CROCC: variants seen among roughly 807,000 people sequenced by gnomAD.
CROCC encodes rootletin.
In CROCC, 180 loss-of-function variants were observed where a neutral mutation model predicts 245.2. That is an observed-to-expected ratio of 0.73 (90% CI 0.65 to 0.83). The LOEUF is 0.83. CROCC is among the 40% of genes least tolerant of loss of function. The probability of loss-of-function intolerance (pLI) is 0.00; values close to 1 mark genes in which losing one functional copy is unlikely to be tolerated. For synonymous variants in CROCC, 1,205 were observed against 1,241.6 expected, an observed-to-expected ratio of 0.97 and a Z score of 0.62; for missense variants, 2,688 against 2,779.4, an observed-to-expected ratio of 0.97 and a Z score of 0.74.
chr1:16,928,433 T>C (rs2075585174), intron 3 of CROCC, among the ~76,000 whole-genome samples: 1 of 152,062 alleles, frequency 6.6e-6, no homozygotes, highest in Non-Finnish European at 1.5e-5. Flanking sequence ...GGATGGAAGC[T>C]TCCTGGGGGT....
intron 15 of CROCC, among the ~76,000 whole-genome samples, chr1:16,945,960 G>A (rs1295911562): frequency 3.3e-5 from 5 of 152,290 alleles, no homozygotes; most frequent in African/African-American, 9.6e-5. Flanking sequence ...TGCGCTGTCC[G>A]CTGCAGCCTG....
At chr1:16,932,539 G>A (rs2075700657) in intron 8 of CROCC, among the ~76,000 whole-genome samples, 1 of 152,270 alleles carries the variant, frequency 6.6e-6, no homozygotes, top group Non-Finnish European at 1.5e-5. Flanking sequence ...GATGGGAGGG[G>A]TGGGGAGGTC....
At chr1:16,964,656 T>G (rs1187330395) in intron 27 of CROCC, among the ~76,000 whole-genome samples, 1 of 152,102 alleles carries the variant, frequency 6.6e-6, no homozygotes, top group Non-Finnish European at 1.5e-5. Flanking sequence ...GTGCTGGGAT[T>G]ACAGGTGTGA....
Position 16,960,939 on chromosome 1 carries a change from T to A in CROCC, c.4214T>A (p.Leu1405Gln). The A allele has an allele frequency of 1.4e-6, 2 of 1,439,886 alleles. No homozygotes were observed. The highest frequency in any genetic ancestry group is 1.8e-6 in the Non-Finnish European group (2 of 1,105,046). The allele number at this position is 1,439,886 out of a possible 1,614,324, so 89.2% of individuals were successfully genotyped here. ...GAGGCTGCAGAGCTGGGCCTGCGGC[T>A]GAGCGCAGCCGAGGGCCGGGCACAA... ...RAEAAELGLR[L>Q]SAAEGRAQGL... Residue 1405 changes from leucine to glutamine, a missense_variant, in exon 27 of 37, where the codon CTG becomes CAG. By Grantham distance (113) the Leu-to-Gln change is moderately radical. Transcript: ENST00000375541.
upstream of CROCC, among the ~76,000 whole-genome samples, chr1:16,921,588 A>G (rs1256524299): frequency 2.0e-5 from 3 of 152,284 alleles, no homozygotes; most frequent in Non-Finnish European, 4.4e-5. Context: ...ACAAATACTT[A>G]GGACTCTGGC....
At chr1:16,952,984 A>G (rs2100494971) in intron 20 of CROCC, 1 of 313,604 alleles carries the variant, frequency 3.2e-6, no homozygotes, top group East Asian at 6.2e-5. Context: ...TCCCCTCTGC[A>G]CCCTGCATCC....
intron 8 of CROCC, among the ~76,000 whole-genome samples, chr1:16,932,120 A>G (rs1317484769): frequency 6.6e-6 from 1 of 152,198 alleles, no homozygotes; most frequent in African/African-American, 2.4e-5. Context: ...CAAGGACCTC[A>G]CAGCCTCTTG....
rs1282749442 is a variant in CROCC at position 16,954,973 on chromosome 1, C to T, written c.3465+96C>T. 2.2e-6 allele frequency: 3 copies of T among 1,385,426 alleles called. No homozygotes were observed. The East Asian group carries it at 7.6e-5, about 35-fold the overall frequency. The allele number at this position is 1,385,426 out of a possible 1,614,324, so 85.8% of individuals were successfully genotyped here. On this transcript the variant is annotated intron_variant, in intron 23 of 36. Coordinates refer to ENST00000375541, the MANE Select transcript of CROCC (RefSeq NM_014675.5). The surrounding 1 kb of genome is among the most constrained non-coding windows in gnomAD (Gnocchi z 4.4). The stretch of plus-strand genomic sequence containing the variant: ...CAGGGCCCCAGAAGAGTGTAAGATT[C>T]CTCCCTGCATTTGAGGACCAATGAA...
At position 16,971,553 on chromosome 1, in the gene CROCC, T is replaced by G. The variant is rs2076520173; in HGVS notation, c.5873T>G (p.Val1958Gly). The G allele has an allele frequency of 6.5e-7, 1 of 1,536,206 alleles. No homozygotes were observed. Among genetic ancestry groups the G allele is most frequent in the Admixed American group, 2.0e-5 (1 of 50,896 alleles). ...CAGCAGCTGGAGCTGCAGCAGGAGG[T>G]GGAGCGGCTGCGCAGCGCCCAGGCG... is the stretch of plus-strand genomic sequence containing the variant. ...QQQQLELQQE[V>G]ERLRSAQAQT... is the part of the protein sequence containing the mutation. Residue 1958 changes from valine to glycine, a missense_variant, in exon 36 of 37, where the codon GTG becomes GGG. This residue lies in a region of CROCC where 1,218 missense variants were observed against 1,286.3 expected (regional missense o/e 0.95). Transcript: ENST00000375541.
In CROCC at chr1:16,930,202, C is replaced by A; in HGVS notation, c.616C>A (p.Leu206Met). 1 of 1,590,000 alleles carries A rather than the reference C, an allele frequency of 6.3e-7. No individual in the cohort carries two copies. The highest frequency in any genetic ancestry group is 8.6e-7 in the Non-Finnish European group (1 of 1,168,904). ...ERSGELEQQR[L>M]RDTEHSQDLE... The stretch of plus-strand genomic sequence containing the variant: ...ATCCGGAGAGCTGGAGCAGCAGCGG[C>A]TGAGGGTGGGTGCCAGTGTGGGGCA... Residue 206 changes from leucine (L) to methionine (M), a missense_variant, in exon 5 of 37, where the codon CTG (leucine) becomes ATG (methionine). Leu to Met is a conservative substitution (Grantham distance 15). This residue lies in a region of CROCC where 972 missense variants were observed against 895.3 expected (regional missense o/e 1.09). Transcript: ENST00000375541.
Position 16,970,656 on chromosome 1 carries a change from T to C in CROCC, c.5673T>C (p.Arg1891=). 1.3e-6 allele frequency: 2 copies of C among 1,566,124 alleles called. No individual in the cohort carries two copies. Among genetic ancestry groups the C allele is most frequent in the Admixed American group, 3.8e-5 (2 of 52,504 alleles). Residue 1891 remains arginine (R), a synonymous_variant, in exon 35 of 37, where the codon CGT becomes CGC. Coordinates refer to ENST00000375541, the MANE Select transcript of CROCC (RefSeq NM_014675.5). ...TLDKVEREKL[R]SHEDTVRLSA... is the part of the protein sequence containing the mutation. ...CCTAGGTGGAGCGGGAGAAGCTTCG[T>C]AGCCATGAGGACACAGTGCGGCTGA... is the stretch of plus-strand genomic sequence containing the variant.
chr1:16,972,501 C>T lies in CROCC; in HGVS notation c.*55C>T. 3.3e-6 allele frequency: 4 copies of T among 1,204,844 alleles called. No individual in the cohort carries two copies. Among genetic ancestry groups the T allele is most frequent in the Admixed American group, 2.6e-5 (1 of 38,580 alleles). 74.6% of individuals were successfully genotyped at this position (1,204,844 alleles called of 1,614,324 possible). On this transcript the variant is annotated 3_prime_UTR_variant, in exon 37 of 37. Transcript: ENST00000375541. ...GTGCCTGGGACAGGGGAGGACCCTT[C>T]TTTTGGACAGCCCCCCCACCCAGAG...
At chr1:16,924,174 C>G (rs2100325627) in intron 2 of CROCC, 151 bp from the exon 3 acceptor site, 2 of 975,222 alleles carry the variant, frequency 2.1e-6, no homozygotes, top group East Asian at 5.2e-5. Context: ...GCCTTCCTCC[C>G]TGTTCTCAGC....
chr1:16,917,082 C>T (rs1209101055), upstream of CROCC, among the ~76,000 whole-genome samples: 1 of 152,302 alleles, frequency 6.6e-6, no homozygotes, highest in Non-Finnish European at 1.5e-5. Flanking sequence ...CGTGCCATTG[C>T]ACTCCAGACT....
In CROCC at chr1:16,969,163, G is replaced by A. The variant is rs1162349471; in HGVS notation, c.5124G>A (p.Glu1708=). The A allele has an allele frequency of 1.7e-5, 28 of 1,610,562 alleles. No individual in the cohort carries two copies. Among genetic ancestry groups the A allele is most frequent in the Non-Finnish European group, 2.4e-5 (28 of 1,178,754 alleles). ...VKAGTLQLTV[E]RLNGALAKVE... Reference sequence around the variant, plus strand: ...CAGGGACCCTGCAGCTGACCGTGGAGCGGCTGAATGGGGCCCTGGCTAAGG... The same window carrying A: ...CAGGGACCCTGCAGCTGACCGTGGAACGGCTGAATGGGGCCCTGGCTAAGG... Residue 1708 remains glutamate (E), a synonymous_variant, in exon 32 of 37, where the codon GAG becomes GAA. Transcript: ENST00000375541.
At position 16,946,451 on chromosome 1, in the gene CROCC, C is replaced by T. The variant is rs760820521; in HGVS notation, c.2283+46C>T. Reference sequence around the variant, plus strand: ...CCCACCTGCCTTGCCCACCCATCCTCCCCACTCAGTGAGGCACCCCGGGCC... The same window carrying T: ...CCCACCTGCCTTGCCCACCCATCCTTCCCACTCAGTGAGGCACCCCGGGCC... On this transcript the variant is annotated intron_variant, in intron 16 of 36. Coordinates refer to ENST00000375541, the MANE Select transcript of CROCC (RefSeq NM_014675.5). 7 of 1,594,966 alleles carry T rather than the reference C, an allele frequency of 4.4e-6. No individual in the cohort carries two copies. In the African/African-American group the frequency reaches 9.4e-5, roughly 21 times the overall value.
chr1:16,946,551 T>C (rs2076051273), intron 16 of CROCC, 146 bp downstream of exon 16: 1 of 1,307,828 alleles, frequency 7.6e-7, no homozygotes, highest in Non-Finnish European at 1.1e-6. Context: ...TCTCTGTCTG[T>C]CTGTCTATCC....
Position 16,957,524 on chromosome 1 carries a change from C to G in CROCC, c.3865-1059C>G, listed in dbSNP as rs1215148195. Among the ~76,000 whole-genome samples, 4 of 152,102 alleles carry G rather than the reference C, an allele frequency of 2.6e-5. No individual in the cohort carries two copies. The East Asian group carries it at 7.7e-4, about 29-fold the overall frequency. On this transcript the variant is annotated intron_variant, in intron 25 of 36. Coordinates refer to ENST00000375541, the MANE Select transcript of CROCC (RefSeq NM_014675.5). ...GTGGCGCAATCTCGGCTCACTGCAA[C>G]CTCCGCCTCCCGGGTTCAAGTAATT...
intron 20 of CROCC, chr1:16,951,895 C>A (rs1279318305): frequency 1.3e-5 from 2 of 150,742 alleles, no homozygotes; most frequent in African/African-American, 2.5e-5. Context: ...TTTTTTTTTT[C>A]TTTTTTCTTT....
Sources: gnomAD v4.1 joint callset for allele counts (sites outside exome capture counted in the v4.1 genomes callset) on GRCh38, gnomAD v4.1.1 for gene constraint, gnomAD v4.1.1 regional missense constraint, Gnocchi (gnomAD v3.1) non-coding constraint, MANE v1.5 for transcripts, NCBI Gene and HGNC (gene_info 2026-07-23, HGNC 2026-07-21) for gene names.